OVAAL: variants seen among roughly 807,000 people sequenced by gnomAD.
OVAAL encodes the protein ovarian adenocarcinoma amplified long non-coding RNA, also known as long intergenic non-protein coding RNA 1131.
intron 1 of OVAAL, chr1:180,559,012 C>G (rs1233721620): frequency 6.5e-6 from 1 of 154,502 alleles, no homozygotes. Flanking sequence ...TCACCACCCC[C>G]ACACCCTGCC....
chr1:180,561,251 C>A (rs575596937), intron 1 of OVAAL, among the ~76,000 whole-genome samples: 5 of 152,280 alleles, frequency 3.3e-5, no homozygotes, highest in African/African-American at 1.2e-4. Context: ...TTGGAAAGAC[C>A]AAACCCAAAC....
In OVAAL at chr1:180,563,573, G is replaced by T. The variant is rs78832306; in HGVS notation, n.513+1229G>T. ...TGTGGTTTGACTTAGGGTTTTATATGTTGGCATACTTCTGGGGTCTTCTCC... is the reference window on the plus strand; with the variant it reads ...TGTGGTTTGACTTAGGGTTTTATATTTTGGCATACTTCTGGGGTCTTCTCC... On this transcript the variant is annotated intron_variant and non_coding_transcript_variant, in intron 2 of 2. Transcript: ENST00000673955. Among the ~76,000 whole-genome samples the T allele has an allele frequency of 8.3e-3, 1,267 of 152,254 alleles. 68 individuals are homozygous for T. The highest frequency in any genetic ancestry group is 0.067 in the East Asian group (347 of 5,172).
rs1214105297 is a variant in OVAAL, at chr1:180,560,413, ATAGAACCAGG to A, written n.373-1790_373-1781del. 3.9e-3 allele frequency among the ~76,000 whole-genome samples: 591 copies of A among 152,306 alleles called. 4 individuals are homozygous for A. The highest frequency in any genetic ancestry group is 0.014 in the African/African-American group (565 of 41,560). ...TTAGAATCTACAGGAATGCGAGGTC[ATAGAACCAGG>A]ATCATACAAAGTCTAGAGTGCACAG... On this transcript the variant is annotated intron_variant and non_coding_transcript_variant, in intron 1 of 2. Transcript: ENST00000673955.
chr1:180,563,165 A>C lies in OVAAL; in HGVS notation n.513+821A>C, dbSNP rs1248895949. 2.6e-5 allele frequency among the ~76,000 whole-genome samples: 4 copies of C among 152,154 alleles called. No homozygotes were observed. The South Asian group carries it at 8.3e-4, about 31-fold the overall frequency. Reference sequence around the variant, plus strand: ...GCCTTCCCAGCCTCCTGCAGGCCCTAGGATGCCCTGGGTCTAGCCAGAGAA... The same window carrying C: ...GCCTTCCCAGCCTCCTGCAGGCCCTCGGATGCCCTGGGTCTAGCCAGAGAA... On this transcript the variant is annotated intron_variant and non_coding_transcript_variant, in intron 2 of 2. Coordinates refer to ENST00000673955, the Ensembl canonical transcript of OVAAL.
intron 1 of OVAAL, among the ~76,000 whole-genome samples, chr1:180,559,621 AACCCGGCCGGGCACGGTGGT>A (rs545773993): frequency 6.6e-6 from 1 of 152,164 alleles, no homozygotes; most frequent in East Asian, 1.9e-4. Flanking sequence ...GGAAAAGAAA[AACCCGGCCGGGCACGGTGGT>A]TCATGCCTGT....
rs145852047 is a variant in OVAAL at position 180,560,119 on chromosome 1, T to C, written n.373-2085T>C. Among the ~76,000 whole-genome samples, 7 of 152,048 alleles carry C rather than the reference T, an allele frequency of 4.6e-5. No homozygotes were observed. In the East Asian group the frequency reaches 9.7e-4, roughly 21 times the overall value. ...AAAAGTGAGGCTTAGAGAGGGTAAG[T>C]TGACAAGAATTAGTAAGTGGCAGAA... On this transcript the variant is annotated intron_variant and non_coding_transcript_variant, in intron 1 of 2. Transcript: ENST00000673955.
intron 2 of OVAAL, among the ~76,000 whole-genome samples, chr1:180,562,523 T>G (rs957078050): frequency 6.6e-6 from 1 of 152,166 alleles, no homozygotes; most frequent in African/African-American, 2.4e-5. Flanking sequence ...CTCTTAGAGC[T>G]GTACGAATGC....
intron 1 of OVAAL, among the ~76,000 whole-genome samples, chr1:180,561,498 A>G (rs1653198706): frequency 6.6e-6 from 1 of 152,168 alleles, no homozygotes; most frequent in Non-Finnish European, 1.5e-5. Flanking sequence ...AGCTCTCAGC[A>G]TCGGGTTATC....
intron 2 of OVAAL, among the ~76,000 whole-genome samples, chr1:180,564,183 C>T (rs1007451735): frequency 6.6e-6 from 1 of 152,130 alleles, no homozygotes; most frequent in African/African-American, 2.4e-5. Flanking sequence ...CCAATCCTTT[C>T]CATTTTTTCT....
intron 1 of OVAAL, among the ~76,000 whole-genome samples, chr1:180,560,987 C>G (rs763565267): frequency 1.4e-4 from 21 of 152,250 alleles, no homozygotes; most frequent in Non-Finnish European, 2.9e-4. Context: ...TAGGGAAAAT[C>G]TGAATTGGCC....
intron 1 of OVAAL, among the ~76,000 whole-genome samples, chr1:180,561,804 C>T (rs1273913892): frequency 1.3e-5 from 2 of 152,006 alleles, no homozygotes; most frequent in Non-Finnish European, 2.9e-5. Flanking sequence ...TGGCAGATAA[C>T]CTGAGGTCAG....
chr1:180,565,022 C>G (rs1653267036), intron 2 of OVAAL, among the ~76,000 whole-genome samples: 2 of 152,160 alleles, frequency 1.3e-5, no homozygotes, highest in African/African-American at 4.8e-5. Flanking sequence ...TAGTATTGGA[C>G]ATTTTATAGC....
chr1:180,563,242 G>A (rs973296539), intron 2 of OVAAL, among the ~76,000 whole-genome samples: 24 of 152,132 alleles, frequency 1.6e-4, no homozygotes, highest in Non-Finnish European at 2.5e-4. Flanking sequence ...ACAGCCGGGT[G>A]GAGTTCACGT....
intron 1 of OVAAL, among the ~76,000 whole-genome samples, chr1:180,560,327 A>T (rs1271644358): frequency 6.6e-6 from 1 of 152,152 alleles, no homozygotes; most frequent in African/African-American, 2.4e-5. Flanking sequence ...CGATATAAGA[A>T]CTGTGTATCT....
exon 3 of OVAAL, chr1:180,566,476 A>G (rs1653289731): frequency 1.3e-5 from 2 of 152,270 alleles, no homozygotes; most frequent in Admixed American, 1.3e-4. Context: ...ATATTTTACA[A>G]GCTTTTGAAA....
chr1:180,562,758 G>A (rs1006738542), intron 2 of OVAAL, among the ~76,000 whole-genome samples: 1 of 152,168 alleles, frequency 6.6e-6, no homozygotes, highest in Non-Finnish European at 1.5e-5. Context: ...CTGAATCAGG[G>A]CCATGGCCCA....
intron 1 of OVAAL, among the ~76,000 whole-genome samples, chr1:180,561,695 A>G (rs1571621451): frequency 6.6e-6 from 1 of 151,806 alleles, no homozygotes. Flanking sequence ...GCAAGTGGGT[A>G]TGGTCATAAT....
intron 2 of OVAAL, among the ~76,000 whole-genome samples, chr1:180,562,938 GT>G (rs1653233151): frequency 6.6e-6 from 1 of 152,204 alleles, no homozygotes; most frequent in African/African-American, 2.4e-5. Flanking sequence ...CTGAGAACAT[GT>G]TTTTTTCCTC....
chr1:180,560,894 G>C (rs1653189789), intron 1 of OVAAL, among the ~76,000 whole-genome samples: 1 of 152,166 alleles, frequency 6.6e-6, no homozygotes, highest in African/African-American at 2.4e-5. Context: ...TTAAATATCT[G>C]CTGAATTCAA....
Sources: allele counts gnomAD v4.1 joint callset (sites outside exome capture counted in the v4.1 genomes callset), GRCh38; gene constraint gnomAD v4.1.1; transcripts MANE v1.5; gene names NCBI Gene and HGNC (gene_info 2026-07-23, HGNC 2026-07-21).